The following ATRNL1 variants were observed in gnomAD, a reference collection of about 807,000 sequenced individuals.
ATRNL1 encodes attractin-like protein 1.
Under a neutral mutation model 182.7 loss-of-function variants are expected in ATRNL1, and 95 were observed. The observed-to-expected ratio is 0.52, with a 90% CI of 0.44 to 0.62. ATRNL1 has a LOEUF of 0.62. ATRNL1 is among the 20% of genes least tolerant of loss of function. ATRNL1 has a pLI of 0.00. For missense variants in ATRNL1, 1,471 were observed against 1,679.5 expected (o/e 0.88, Z 2.17); for synonymous variants, 576 against 568.3 (o/e 1.01, Z -0.19).
chr10:115,172,371 CTG>C (rs1380853876), intron 8 of ATRNL1, among the ~76,000 whole-genome samples: 3 of 144,260 alleles, frequency 2.1e-5, no homozygotes, highest in African/African-American at 7.3e-5. Context: ...TCTCAGATGG[CTG>C]TGTTTTATTT....
chr10:115,890,981 G>A (rs1194492203), intron 28 of ATRNL1, among the ~76,000 whole-genome samples: 12 of 152,140 alleles, frequency 7.9e-5, no homozygotes, highest in Admixed American at 6.5e-4. Context: ...CTCATGAAAT[G>A]CCCAAGCAAC....
chr10:115,862,351 C>A (rs782172253), intron 28 of ATRNL1, among the ~76,000 whole-genome samples: 7 of 152,160 alleles, frequency 4.6e-5, no homozygotes, highest in Non-Finnish European at 8.8e-5. Flanking sequence ...TTTTCACCTT[C>A]CCTGATGCTT....
intron 26 of ATRNL1, among the ~76,000 whole-genome samples, chr10:115,646,630 CTT>C (rs57206126): frequency 0.024 from 3,524 of 143,870 alleles, 118 homozygotes; most frequent in African/African-American, 0.082. Context: ...TTCTTTTTTT[CTT>C]TTTTTTTTTT....
chr10:115,898,061 G>A (rs112177794), intron 28 of ATRNL1, among the ~76,000 whole-genome samples: 8,185 of 151,862 alleles, frequency 0.054, 699 homozygotes, highest in African/African-American at 0.18. Flanking sequence ...CCGAGTAGCT[G>A]GGACTATAGG....
At chr10:115,391,395 G>T (rs1051896198) in intron 19 of ATRNL1, among the ~76,000 whole-genome samples, 10 of 152,134 alleles carry the variant, frequency 6.6e-5, no homozygotes, top group African/African-American at 2.2e-4. Flanking sequence ...AGTGGGATGG[G>T]TCTGGATTCT....
At chr10:115,876,158 T>C (rs1951695179) in intron 28 of ATRNL1, among the ~76,000 whole-genome samples, 1 of 152,226 alleles carries the variant, frequency 6.6e-6, no homozygotes, top group South Asian at 2.1e-4. Flanking sequence ...GCATATTTAA[T>C]GGTCAGAACA....
intron 27 of ATRNL1, among the ~76,000 whole-genome samples, chr10:115,766,991 A>C (rs1189766235): frequency 1.3e-5 from 2 of 152,110 alleles, no homozygotes; most frequent in Non-Finnish European, 2.9e-5. Flanking sequence ...TACATCACTG[A>C]GTTATTGTAA....
intron 21 of ATRNL1, among the ~76,000 whole-genome samples, chr10:115,453,952 A>ATAG (rs1847402625): frequency 6.6e-6 from 1 of 151,850 alleles, no homozygotes; most frequent in Non-Finnish European, 1.5e-5. Context: ...TATAATAATA[A>ATAG]TAAAAAAGAA....
At position 115,531,542 on chromosome 10, in the gene ATRNL1, G is replaced by A. The variant is rs1449838374; in HGVS notation, c.3716+12218G>A. ...TCTGGATATTAGTCCTTTGTCAGAT[G>A]AGTAGGTTGTGAAAATTTTCTCCCA... is the stretch of plus-strand genomic sequence containing the variant. On this transcript the variant is annotated intron_variant, in intron 25 of 28. Transcript: ENST00000355044. Among the ~76,000 whole-genome samples, 4 of 150,822 alleles carry A rather than the reference G, an allele frequency of 2.7e-5. No homozygotes were observed. The East Asian group carries it at 7.8e-4, about 29-fold the overall frequency.
intron 24 of ATRNL1, among the ~76,000 whole-genome samples, chr10:115,510,134 G>A (rs533004643): frequency 1.3e-5 from 2 of 152,104 alleles, no homozygotes; most frequent in East Asian, 3.9e-4. Flanking sequence ...ATGAGATGTT[G>A]GTTTTTATGG....
intron 26 of ATRNL1, among the ~76,000 whole-genome samples, chr10:115,572,235 C>G (rs1854437691): frequency 6.6e-6 from 1 of 152,066 alleles, no homozygotes; most frequent in African/African-American, 2.4e-5. Context: ...AGTCATAGCT[C>G]TGGCTACAGT....
chr10:115,326,620 C>CGG, intron 18 of ATRNL1, among the ~76,000 whole-genome samples: 1 of 151,802 alleles, frequency 6.6e-6, no homozygotes, highest in Middle Eastern at 3.4e-3. Context: ...GAGCCCACAT[C>CGG]GCCAAGTCAA....
intron 26 of ATRNL1, among the ~76,000 whole-genome samples, chr10:115,599,855 C>A (rs1435802738): frequency 6.6e-6 from 1 of 152,098 alleles, no homozygotes; most frequent in Non-Finnish European, 1.5e-5. Context: ...AATAACGCAA[C>A]TGATTTTAAC....
At chr10:115,186,031 GTAAC>G (rs1847926502) in intron 8 of ATRNL1, among the ~76,000 whole-genome samples, 1 of 151,956 alleles carries the variant, frequency 6.6e-6, no homozygotes, top group Non-Finnish European at 1.5e-5. Context: ...CCATAGATAA[GTAAC>G]TGAGTGAACA....
chr10:115,255,954 C>T (rs4336951), intron 10 of ATRNL1, among the ~76,000 whole-genome samples: 53,031 of 151,712 alleles, frequency 0.35, 9,636 homozygotes, highest in African/African-American at 0.44. Context: ...GATTTGCATA[C>T]GTTGAACCAG....
intron 9 of ATRNL1, among the ~76,000 whole-genome samples, chr10:115,230,900 AGAGAGAGAGAGAG>A (rs1849904391): frequency 6.7e-6 from 1 of 150,184 alleles, no homozygotes; most frequent in Non-Finnish European, 1.5e-5. Flanking sequence ...AGAGAGAGAG[AGAGAGAGAGAGAG>A]AGAGAGAGAA....
intron 21 of ATRNL1, among the ~76,000 whole-genome samples, chr10:115,460,488 C>T: frequency 6.6e-6 from 1 of 152,086 alleles, no homozygotes; most frequent in East Asian, 1.9e-4. Flanking sequence ...GTTTGCTGTA[C>T]CTTCAAAATA....
At chr10:115,714,652 GT>G (rs1223859282) in intron 26 of ATRNL1, among the ~76,000 whole-genome samples, 2 of 152,106 alleles carry the variant, frequency 1.3e-5, no homozygotes, top group African/African-American at 4.8e-5. Context: ...GACCCCAACA[GT>G]TCAATAGATT....
chr10:115,277,920 A>G (rs1383792441), intron 13 of ATRNL1, among the ~76,000 whole-genome samples: 1 of 152,194 alleles, frequency 6.6e-6, no homozygotes, highest in Non-Finnish European at 1.5e-5. Context: ...AATGGAGGAA[A>G]TGTGACAGAT....
Sources: gnomAD v4.1 joint callset for allele counts (sites outside exome capture counted in the v4.1 genomes callset) on GRCh38, gnomAD v4.1.1 for gene constraint, MANE v1.5 for transcripts, NCBI Gene and HGNC (gene_info 2026-07-23, HGNC 2026-07-21) for gene names.